The following MLLT10 variants were observed in gnomAD, a reference collection of about 807,000 sequenced individuals.
MLLT10 encodes protein AF-10.
Under a neutral mutation model 129.1 loss-of-function variants are expected in MLLT10, and 30 were observed. The ratio of observed to expected loss-of-function variants is 0.23; its 90% CI spans 0.17 to 0.32. The LOEUF is 0.32. Among genes scored for constraint, MLLT10 ranks in the 10% least tolerant of loss-of-function variants. The pLI, the probability that MLLT10 is intolerant of heterozygous loss-of-function variation, is 1.00. For synonymous variants in MLLT10, 490 were observed against 446.4 expected, an observed-to-expected ratio of 1.10 and a Z score of -1.23; for missense variants, 1,119 against 1,268.3, an observed-to-expected ratio of 0.88 and a Z score of 1.79.
At chr10:21,556,884 A>G in intron 3 of MLLT10, 1 of 1,551,014 alleles carries the variant, frequency 6.4e-7, no homozygotes, top group Non-Finnish European at 8.7e-7. Flanking sequence ...TTTTATATTT[A>G]TGGCTTTATG....
chr10:21,572,500 A>G (rs566487481), intron 3 of MLLT10, among the ~76,000 whole-genome samples: 1 of 152,260 alleles, frequency 6.6e-6, no homozygotes, highest in South Asian at 2.1e-4. Flanking sequence ...ACAACGATTG[A>G]GTCTTAATCA....
At chr10:21,697,434 C>G (rs775108975) in intron 13 of MLLT10, among the ~76,000 whole-genome samples, 1 of 152,140 alleles carries the variant, frequency 6.6e-6, no homozygotes, top group Non-Finnish European at 1.5e-5. Flanking sequence ...CCATTGCACT[C>G]CAGCCTGGGC....
chr10:21,681,668 A>T (rs1334960201), intron 12 of MLLT10, among the ~76,000 whole-genome samples: 1 of 151,964 alleles, frequency 6.6e-6, no homozygotes, highest in East Asian at 1.9e-4. Flanking sequence ...TTATTTTTTT[A>T]ACATTTTGTT....
chr10:21,666,402 T>C (rs759912090), intron 9 of MLLT10, among the ~76,000 whole-genome samples: 2 of 152,048 alleles, frequency 1.3e-5, no homozygotes, highest in Non-Finnish European at 2.9e-5. Flanking sequence ...CGGTGGCTCA[T>C]GGCTGTACTC....
intron 8 of MLLT10, among the ~76,000 whole-genome samples, chr10:21,639,658 CA>C (rs1165983895): frequency 6.6e-6 from 1 of 152,024 alleles, no homozygotes; most frequent in Non-Finnish European, 1.5e-5. Flanking sequence ...TGTGATTGGA[CA>C]AAGGTATGAT....
At chr10:21,556,769 G>T (rs758590735) in intron 3 of MLLT10, 144 of 1,603,030 alleles carry the variant, frequency 9.0e-5, no homozygotes, top group Non-Finnish European at 1.1e-4. Context: ...AGTTTCTGGT[G>T]CTCTGATGCA....
In MLLT10 at chr10:21,562,809, GTTTTTTTTGTTTTTT is replaced by G. The variant is rs1484986433; in HGVS notation, c.241-23476_241-23462del. ...TTCATTGCTGACTTACATATACTTT[GTTTTTTTTGTTTTTT>G]TTTTTTTTTTTTTTGAGACAGTTTC... On this transcript the variant is annotated intron_variant, in intron 3 of 22. Transcript: ENST00000307729. Among the ~76,000 whole-genome samples, 6 of 76,594 alleles carry G rather than the reference GTTTTTTTTGTTTTTT, an allele frequency of 7.8e-5. No homozygotes were observed. The East Asian group carries it at 1.0e-3, about 13-fold the overall frequency. 50.2% of individuals were successfully genotyped at this position (76,594 alleles called of 152,430 possible).
At chr10:21,710,803 G>C (rs932347298) in intron 13 of MLLT10, among the ~76,000 whole-genome samples, 1 of 152,152 alleles carries the variant, frequency 6.6e-6, no homozygotes, top group Non-Finnish European at 1.5e-5. Context: ...TTAAAGTTCT[G>C]TTTGCTCATA....
chr10:21,617,799 A>G lies in MLLT10; in HGVS notation c.699+592A>G, dbSNP rs370444177. On this transcript the variant is annotated intron_variant, in intron 8 of 22. Coordinates refer to ENST00000307729, the MANE Select transcript of MLLT10 (RefSeq NM_001195626.3). The stretch of plus-strand genomic sequence containing the variant: ...TGCTTTATAGGAAATACTTTTTAAT[A>G]AACTAAAAAATAATACTGGAAAATC... Among the ~76,000 whole-genome samples, 4 of 152,316 alleles carry G rather than the reference A, an allele frequency of 2.6e-5. No individual in the cohort carries two copies. The East Asian group carries it at 7.7e-4, about 29-fold the overall frequency.
intron 2 of MLLT10, among the ~76,000 whole-genome samples, chr10:21,537,758 C>G (rs1042315810): frequency 6.6e-6 from 1 of 152,056 alleles, no homozygotes; most frequent in South Asian, 2.1e-4. Context: ...CATGAGCCAC[C>G]GCGTCCGACC....
In MLLT10 at chr10:21,659,006, G is replaced by A. The variant is rs183116268; in HGVS notation, c.795+7238G>A. On this transcript the variant is annotated intron_variant, in intron 9 of 22. Coordinates refer to ENST00000307729, the MANE Select transcript of MLLT10 (RefSeq NM_001195626.3). ...GCATATTTGTTATTTGTTATTTTTGGTGAAGTGTTTATTAAGCTCTCCCCA... is the reference window on the plus strand; with the variant it reads ...GCATATTTGTTATTTGTTATTTTTGATGAAGTGTTTATTAAGCTCTCCCCA... Among the ~76,000 whole-genome samples, 296 of 151,936 alleles carry A rather than the reference G, an allele frequency of 1.9e-3. 3 individuals are homozygous for A. Among genetic ancestry groups the A allele is most frequent in the African/African-American group, 6.8e-3 (284 of 41,460 alleles).
At chr10:21,689,546 A>T (rs947374245) in intron 13 of MLLT10, among the ~76,000 whole-genome samples, 5 of 108,334 alleles carry the variant, frequency 4.6e-5, no homozygotes, top group South Asian at 2.9e-4. Context: ...TGTGTAAAGT[A>T]ATATATATAT....
chr10:21,577,461 G>GTTTTTTTTTTTT (rs34503343), intron 3 of MLLT10, among the ~76,000 whole-genome samples: 1 of 126,580 alleles, frequency 7.9e-6, no homozygotes, highest in Non-Finnish European at 1.7e-5. Context: ...ATAGATGAAG[G>GTTTTTTTTTTTT]TTTTTTTTTT....
chr10:21,682,282 A>G (rs777256050), intron 13 of MLLT10, 25 bp downstream of exon 13: 1 of 1,603,806 alleles, frequency 6.2e-7, no homozygotes, highest in South Asian at 1.1e-5. Flanking sequence ...AATCTTCTCT[A>G]GTGGTTCGTT....
At chr10:21,737,307 T>A (rs2058453950) in intron 21 of MLLT10, among the ~76,000 whole-genome samples, 1 of 152,020 alleles carries the variant, frequency 6.6e-6, no homozygotes, top group South Asian at 2.1e-4. Context: ...AAAGATAGCA[T>A]ATGGGCACCT....
intron 3 of MLLT10, among the ~76,000 whole-genome samples, chr10:21,561,158 C>T (rs534020664): frequency 1.3e-5 from 2 of 152,220 alleles, no homozygotes; most frequent in Admixed American, 6.5e-5. Context: ...GGTATCATAT[C>T]CAAGAAATGA....
In MLLT10 at chr10:21,742,991, G is replaced by C. The variant is rs1328788595; in HGVS notation, c.*1008G>C. 2 of 229,716 alleles carry C rather than the reference G, an allele frequency of 8.7e-6. No individual in the cohort carries two copies. Among genetic ancestry groups the C allele is most frequent in the Non-Finnish European group, 8.6e-6 (1 of 115,922 alleles). The allele number at this position is 229,716 out of a possible 1,614,324, so 14.2% of individuals were successfully genotyped here. ...AAAAGGAGTGGATTTGGTAAGAATA[G>C]AGATTTGTTTTATTTAAACCACTTC... is the stretch of plus-strand genomic sequence containing the variant. On this transcript the variant is annotated 3_prime_UTR_variant, in exon 23 of 23. Transcript: ENST00000307729.
intron 3 of MLLT10, among the ~76,000 whole-genome samples, chr10:21,573,159 G>GT (rs2131042300): frequency 6.6e-6 from 1 of 151,888 alleles, no homozygotes; most frequent in Admixed American, 6.6e-5. Context: ...TTTCCCATTT[G>GT]TAATTCCTTT....
intron 17 of MLLT10, among the ~76,000 whole-genome samples, chr10:21,731,948 A>G (rs1310459735): frequency 1.3e-5 from 2 of 152,222 alleles, no homozygotes; most frequent in Admixed American, 1.3e-4. Flanking sequence ...CTGACAAAAA[A>G]TGCTAATTAA....
Sources: allele counts gnomAD v4.1 joint callset (sites outside exome capture counted in the v4.1 genomes callset), GRCh38; gene constraint gnomAD v4.1.1; transcripts MANE v1.5; gene names NCBI Gene and HGNC (gene_info 2026-07-23, HGNC 2026-07-21).